Variants in FBXL12 observed in about 807,000 individuals in gnomAD.
FBXL12 encodes F-box and leucine rich repeat protein 12.
In FBXL12, 22 loss-of-function variants were observed where a neutral mutation model predicts 24.9. The observed-to-expected ratio is 0.88, with a 90% CI of 0.63 to 1.26. The LOEUF is 1.26. FBXL12 is among the 50% of genes most tolerant of loss of function. The pLI, the probability that FBXL12 is intolerant of heterozygous loss-of-function variation, is 0.00. For synonymous variants in FBXL12, 193 were observed against 193.8 expected (o/e 1.00, Z 0.03); for missense variants, 384 against 434.1 (o/e 0.88, Z 1.03).
At chr19:9,817,503 C>T (rs540252435) in intron 2 of FBXL12, among the ~76,000 whole-genome samples, 4 of 152,250 alleles carry the variant, frequency 2.6e-5, no homozygotes, top group East Asian at 1.9e-4. Context: ...AACTTTTCCT[C>T]GCAAAACCAA....
At chr19:9,812,479 C>T (rs537947124) in intron 2 of FBXL12, among the ~76,000 whole-genome samples, 2 of 134,852 alleles carry the variant, frequency 1.5e-5, no homozygotes, top group East Asian at 2.2e-4. Flanking sequence ...TGCAGTGAGT[C>T]GATATCGCAC....
chr19:9,811,358 C>T lies in FBXL12; in HGVS notation c.519G>A (p.Thr173=), dbSNP rs199832425. 1.4e-5 allele frequency: 23 copies of T among 1,611,346 alleles called. No individual in the cohort carries two copies. The East Asian group carries it at 1.6e-4, about 11-fold the overall frequency. Residue 173 remains threonine, a synonymous_variant, in exon 3 of 3, where the codon ACG becomes ACA. Coordinates refer to ENST00000247977, the MANE Select transcript of FBXL12 (RefSeq NM_017703.3). This position sits in a 1 kb window ranked among gnomAD's most constrained non-coding sequence, Gnocchi z 6.0. ...AFRDEHLQGL[T]RFRALRSLVL... is the part of the protein sequence containing the mutation. ...CCAGCGAGCGCAAGGCCCGGAAGCG[C>T]GTCAGGCCCTGCAGGTGCTCGTCAC... is the stretch of plus-strand genomic sequence containing the variant.
intron 2 of FBXL12, chr19:9,818,223 T>C: frequency 2.3e-6 from 1 of 433,628 alleles, no homozygotes; most frequent in Non-Finnish European, 4.1e-6. Flanking sequence ...AAAAACTTGA[T>C]AACATAGTCA....
chr19:9,818,157 G>A, intron 2 of FBXL12: 1 of 403,590 alleles, frequency 2.5e-6, no homozygotes, highest in Non-Finnish European at 4.4e-6. Context: ...GGCTGCAATC[G>A]CACCACTGCA....
intron 1 of FBXL12, 42 bp downstream of exon 1, chr19:9,818,686 G>C (rs374354767): frequency 3.2e-5 from 50 of 1,543,946 alleles, no homozygotes; most frequent in Non-Finnish European, 4.0e-5. Context: ...GGTGCCAGCT[G>C]CGCCCTCCGC....
chr19:9,813,793 G>A (rs182794044), intron 2 of FBXL12, among the ~76,000 whole-genome samples: 6 of 148,422 alleles, frequency 4.0e-5, no homozygotes, highest in African/African-American at 1.2e-4. Flanking sequence ...CATGAGCCAC[G>A]CGCCTGGCCT....
intron 2 of FBXL12, among the ~76,000 whole-genome samples, chr19:9,812,759 T>TAAAAAAA (rs35525468): frequency 1.7e-5 from 2 of 114,444 alleles, no homozygotes; most frequent in South Asian, 2.8e-4. Flanking sequence ...AGGTCTATGT[T>TAAAAAAA]AAAAAAAAAA....
At chr19:9,818,101 AC>A in intron 2 of FBXL12, 1 of 388,116 alleles carries the variant, frequency 2.6e-6, no homozygotes, top group Non-Finnish European at 4.6e-6. Flanking sequence ...GGTTCCAGCT[AC>A]TCAGGAGGCT....
rs753846182 is a variant in FBXL12 at position 9,818,925 on chromosome 19, A to G, written c.-112T>C. 1.1e-4 allele frequency: 106 copies of G among 1,007,240 alleles called. No homozygotes were observed. The highest frequency in any genetic ancestry group is 5.3e-4 in the Middle Eastern group (2 of 3,792). The allele number at this position is 1,007,240 out of a possible 1,614,324, so 62.4% of individuals were successfully genotyped here. A position where few individuals can be genotyped will look rare whatever the true frequency, so the allele number is the denominator to read the frequency against. On this transcript the variant is annotated 5_prime_UTR_variant, in exon 1 of 3. Transcript: ENST00000247977. ...CGACCTTCCCGTAGCCGGTCGAGAA[A>G]TTTGACCTTCCTCTCGCTGGGAAGT... is the stretch of plus-strand genomic sequence containing the variant.
At chr19:9,813,378 C>A in intron 2 of FBXL12, 1 of 730,882 alleles carries the variant, frequency 1.4e-6, no homozygotes, top group Non-Finnish European at 1.9e-6. Context: ...TGCTTGTTGC[C>A]CAGGCTGGAG....
In FBXL12 at chr19:9,810,985, C is replaced by G. The variant is rs777015348; in HGVS notation, c.892G>C (p.Glu298Gln). 5.0e-6 allele frequency: 8 copies of G among 1,613,578 alleles called. No individual in the cohort carries two copies. The South Asian group carries it at 8.8e-5, about 18-fold the overall frequency. ...ELQGLGWEGQ[E>Q]AEKILCKGLP... ...CCCTTACACAGGATCTTCTCCGCCTCCTGACCCTCCCACCCCAGCCCCTGC... is the reference window on the plus strand; with the variant it reads ...CCCTTACACAGGATCTTCTCCGCCTGCTGACCCTCCCACCCCAGCCCCTGC... Residue 298 changes from glutamate (E) to glutamine (Q), a missense_variant, in exon 3 of 3, where the codon GAG (glutamate) becomes CAG (glutamine). Physicochemically the swap from Glu to Gln is conservative, Grantham distance 29. Coordinates refer to ENST00000247977, the MANE Select transcript of FBXL12 (RefSeq NM_017703.3).
chr19:9,811,447 G>C lies in FBXL12; in HGVS notation c.430C>G (p.Gln144Glu). The change falls in exon 3 of 3, where the codon CAG becomes GAG. Residue 144 changes from glutamine to glutamate, a missense_variant. Coordinates refer to ENST00000247977, the MANE Select transcript of FBXL12 (RefSeq NM_017703.3). This position sits in a 1 kb window ranked among gnomAD's most constrained non-coding sequence, Gnocchi z 6.0. The stretch of plus-strand genomic sequence containing the variant: ...AGGGGCAGCACGGTGGGGTCCTGCT[G>C]CTTGTGGAGCCAGGCCATGGAGATC... The part of the protein sequence containing the change: ...CEISMAWLHK[Q>E]QDPTVLPLLE... 1 of 1,613,846 alleles carries C rather than the reference G, an allele frequency of 6.2e-7. No homozygotes were observed.
At position 9,819,019 on chromosome 19, in the gene FBXL12, C is replaced by A; in HGVS notation, c.-206G>T. 1.7e-6 allele frequency: 1 copy of A among 596,866 alleles called. No individual in the cohort carries two copies. 37.0% of individuals were successfully genotyped at this position (596,866 alleles called of 1,614,324 possible). On this transcript the variant is annotated 5_prime_UTR_variant, in exon 1 of 3. Coordinates refer to ENST00000247977, the MANE Select transcript of FBXL12 (RefSeq NM_017703.3). ...ACCAGCCTGGAAAGCGTGGCTGAGG[C>A]AGTGAGAGGCTTGCGGGAGGTGGCT...
Position 9,810,886 on chromosome 19 carries a change from G to A in FBXL12, c.*10C>T, listed in dbSNP as rs772301137. 6.4e-7 allele frequency: 1 copy of A among 1,567,374 alleles called. No homozygotes were observed. Among genetic ancestry groups the A allele is most frequent in the Non-Finnish European group, 8.7e-7 (1 of 1,148,696 alleles). On this transcript the variant is annotated 3_prime_UTR_variant, in exon 3 of 3. Coordinates refer to ENST00000247977, the MANE Select transcript of FBXL12 (RefSeq NM_017703.3). ...AAAACTGGGATGGGTCCCAAGGGCA[G>A]GTGGAGTAGTTACATCCACCAGTCC...
chr19:9,812,572 GA>G (rs1397093591), intron 2 of FBXL12, among the ~76,000 whole-genome samples: 1 of 148,594 alleles, frequency 6.7e-6, no homozygotes, highest in Non-Finnish European at 1.5e-5. Context: ...TCTGGTAGGG[GA>G]AAAAAAGATA....
chr19:9,815,531 C>T (rs980581151), intron 2 of FBXL12, among the ~76,000 whole-genome samples: 1 of 152,198 alleles, frequency 6.6e-6, no homozygotes, highest in African/African-American at 2.4e-5. Flanking sequence ...CCCACATTTC[C>T]CTTCCACACT....
intron 2 of FBXL12, chr19:9,813,280 G>A: frequency 2.4e-6 from 3 of 1,227,270 alleles, no homozygotes; most frequent in Non-Finnish European, 3.0e-6. Context: ...AGGGCCTAAT[G>A]GAAAAAGGAA....
At chr19:9,816,192 C>T (rs940444392) in intron 2 of FBXL12, among the ~76,000 whole-genome samples, 4 of 152,124 alleles carry the variant, frequency 2.6e-5, no homozygotes, top group Admixed American at 1.3e-4. Flanking sequence ...GAGGGGCTGC[C>T]GTGAAGGTCT....
Position 9,810,717 on chromosome 19 carries a change from A to T in FBXL12, c.*179T>A. ...TTCCCAGAGGCTGATGATATGACCA[A>T]GGCCACACAGCTGGCAAACAGTGAT... On this transcript the variant is annotated 3_prime_UTR_variant, in exon 3 of 3. Coordinates refer to ENST00000247977, the MANE Select transcript of FBXL12 (RefSeq NM_017703.3). 1 of 515,360 alleles carries T rather than the reference A, an allele frequency of 1.9e-6. No individual in the cohort carries two copies. Among genetic ancestry groups the T allele is most frequent in the African/African-American group, 1.9e-5 (1 of 53,396 alleles). 31.9% of individuals were successfully genotyped at this position (515,360 alleles called of 1,614,324 possible). A position where few individuals can be genotyped will look rare whatever the true frequency, so the allele number is the denominator to read the frequency against.
Sources: allele counts gnomAD v4.1 joint callset (sites outside exome capture counted in the v4.1 genomes callset), GRCh38; gene constraint gnomAD v4.1.1; non-coding constraint Gnocchi (gnomAD v3.1); transcripts MANE v1.5; gene names NCBI Gene and HGNC (gene_info 2026-07-23, HGNC 2026-07-21).